NDST3: variants seen among roughly 807,000 people sequenced by gnomAD.
NDST3 encodes bifunctional heparan sulfate N-deacetylase/N-sulfotransferase 3.
NDST3 carries 58 observed loss-of-function variants against 96.1 expected under a neutral mutation model. That is an observed-to-expected ratio of 0.60 (90% CI 0.49 to 0.75). The LOEUF (loss-of-function observed/expected upper bound fraction) is 0.75. Among genes scored for constraint, NDST3 ranks in the 30% least tolerant of loss-of-function variants. NDST3 has a pLI of 0.00. For synonymous variants in NDST3, 333 were observed against 359.7 expected (o/e 0.93, Z 0.84); for missense variants, 788 against 1,034.2 (o/e 0.76, Z 3.27).
intron 12 of NDST3, among the ~76,000 whole-genome samples, chr4:118,245,103 A>G (rs1413034613): frequency 4.6e-5 from 7 of 152,202 alleles, no homozygotes; most frequent in Admixed American, 2.0e-4. Flanking sequence ...ATCATTTGAA[A>G]TAAGACAGGA....
chr4:118,135,659 G>A (rs568910339), intron 4 of NDST3, among the ~76,000 whole-genome samples: 234 of 152,206 alleles, frequency 1.5e-3, no homozygotes, highest in Non-Finnish European at 2.6e-3. Context: ...AGCCAGATAC[G>A]TCTGATTCCA....
chr4:118,217,514 G>A (rs1739268452), intron 6 of NDST3, among the ~76,000 whole-genome samples: 1 of 152,050 alleles, frequency 6.6e-6, no homozygotes, highest in African/African-American at 2.4e-5. Flanking sequence ...TGAGAGTGAT[G>A]GAACTCATAC....
At chr4:118,129,832 C>T (rs1379433836) in intron 4 of NDST3, among the ~76,000 whole-genome samples, 4 of 151,948 alleles carry the variant, frequency 2.6e-5, no homozygotes, top group Admixed American at 2.6e-4. Flanking sequence ...CTCTCTTTAG[C>T]TCTAATAATA....
At chr4:118,049,031 C>G (rs1560607047) in intron 1 of NDST3, among the ~76,000 whole-genome samples, 1 of 152,078 alleles carries the variant, frequency 6.6e-6, no homozygotes, top group Non-Finnish European at 1.5e-5. Context: ...GAACATTCAC[C>G]AACCTCAGTG....
At chr4:118,122,052 C>A (rs1377077023) in intron 4 of NDST3, among the ~76,000 whole-genome samples, 1 of 152,112 alleles carries the variant, frequency 6.6e-6, no homozygotes, top group Admixed American at 6.5e-5. Flanking sequence ...TACTAGATTT[C>A]ATCTTCAACA....
intron 6 of NDST3, among the ~76,000 whole-genome samples, chr4:118,153,442 A>C (rs1734529811): frequency 6.6e-6 from 1 of 152,222 alleles, no homozygotes; most frequent in African/African-American, 2.4e-5. Flanking sequence ...TAGCAAAATA[A>C]ATTATGTTCA....
intron 6 of NDST3, among the ~76,000 whole-genome samples, chr4:118,168,271 T>A (rs1428507125): frequency 6.6e-6 from 1 of 151,964 alleles, no homozygotes; most frequent in African/African-American, 2.4e-5. Context: ...AGAACTTGAA[T>A]AGTCCTTTCT....
chr4:118,209,418 T>C (rs189146950), intron 6 of NDST3, among the ~76,000 whole-genome samples: 10 of 152,316 alleles, frequency 6.6e-5, no homozygotes, highest in Non-Finnish European at 1.5e-4. Flanking sequence ...ATGAGCAAGA[T>C]ACACAATTCA....
rs776751219 is a variant in NDST3, at chr4:118,167,967, A to G, written c.1539+24283A>G. ...GACACTGTAAAATATTCCAATAAAA[A>G]CATAAAGGAAAAACTTCATTACATT... is the stretch of plus-strand genomic sequence containing the variant. On this transcript the variant is annotated intron_variant, in intron 6 of 13. Coordinates refer to ENST00000296499, the MANE Select transcript of NDST3 (RefSeq NM_004784.3). Among the ~76,000 whole-genome samples the G allele has an allele frequency of 1.9e-4, 29 of 152,230 alleles. 1 individual carries two copies. The highest frequency in any genetic ancestry group is 4.1e-4 in the South Asian group (2 of 4,826).
At chr4:118,208,347 T>C (rs1309643885) in intron 6 of NDST3, among the ~76,000 whole-genome samples, 1 of 143,858 alleles carries the variant, frequency 7.0e-6, no homozygotes, top group African/African-American at 2.6e-5. Flanking sequence ...TAGTGCTGAC[T>C]CATAAAGGTT....
At chr4:118,157,711 C>T (rs1734809597) in intron 6 of NDST3, among the ~76,000 whole-genome samples, 1 of 152,080 alleles carries the variant, frequency 6.6e-6, no homozygotes, top group Non-Finnish European at 1.5e-5. Context: ...CATGAGCCAC[C>T]TAGCCCAGCC....
intron 12 of NDST3, among the ~76,000 whole-genome samples, chr4:118,249,729 CAT>C (rs895751839): frequency 6.5e-5 from 9 of 139,494 alleles, no homozygotes; most frequent in African/African-American, 2.5e-4. Context: ...TACAGCCCCA[CAT>C]ACACACACAC....
chr4:118,235,156 A>G (rs1352656794), intron 9 of NDST3, among the ~76,000 whole-genome samples: 1 of 152,194 alleles, frequency 6.6e-6, no homozygotes, highest in Non-Finnish European at 1.5e-5. Flanking sequence ...CTGAAGTTTT[A>G]TGTTTTATAG....
intron 2 of NDST3, among the ~76,000 whole-genome samples, chr4:118,088,195 G>A (rs77225244): frequency 6.6e-6 from 1 of 151,976 alleles, no homozygotes; most frequent in Non-Finnish European, 1.5e-5. Context: ...AAAAATAATA[G>A]CAATTAGAGA....
chr4:118,101,370 A>G (rs79542874), intron 2 of NDST3, among the ~76,000 whole-genome samples: 1 of 150,998 alleles, frequency 6.6e-6, no homozygotes, highest in African/African-American at 2.4e-5. Context: ...GAAGACTTGA[A>G]AAAAAAAAAA....
At chr4:118,077,525 C>G (rs1727648607) in intron 2 of NDST3, among the ~76,000 whole-genome samples, 1 of 152,136 alleles carries the variant, frequency 6.6e-6, no homozygotes. Context: ...GGAAGAGCCC[C>G]CTCCAATCAC....
chr4:118,237,337 A>T (rs1460681731), intron 10 of NDST3, 117 bp downstream of exon 10: 2 of 788,642 alleles, frequency 2.5e-6, no homozygotes, highest in African/African-American at 3.6e-5. Context: ...TAGTTGTTTG[A>T]TATCTACAGA....
At chr4:118,196,575 T>C (rs999364840) in intron 6 of NDST3, among the ~76,000 whole-genome samples, 2 of 152,172 alleles carry the variant, frequency 1.3e-5, no homozygotes, top group African/African-American at 4.8e-5. Flanking sequence ...TCAATCTTGG[T>C]AGGTTGTATG....
At chr4:118,062,158 T>A (rs528887375) in intron 2 of NDST3, among the ~76,000 whole-genome samples, 2 of 152,332 alleles carry the variant, frequency 1.3e-5, no homozygotes, top group African/African-American at 4.8e-5. Context: ...GTGGCTTTAG[T>A]CCAAACTTTA....
Sources: allele counts gnomAD v4.1 joint callset (sites outside exome capture counted in the v4.1 genomes callset), GRCh38; gene constraint gnomAD v4.1.1; transcripts MANE v1.5; gene names NCBI Gene and HGNC (gene_info 2026-07-23, HGNC 2026-07-21).